Variants in MEGF8 observed in about 807,000 individuals in gnomAD.
The protein encoded by MEGF8 is multiple epidermal growth factor-like domains protein 8.
A neutral mutation model predicts 302.9 loss-of-function variants in MEGF8; 156 were observed. The observed-to-expected ratio is 0.52, with a 90% CI of 0.45 to 0.59. The LOEUF is 0.59. MEGF8 is among the 20% of genes least tolerant of loss of function. MEGF8 has a pLI of 0.00. For synonymous variants in MEGF8, 1,621 were observed against 1,660.5 expected, an observed-to-expected ratio of 0.98 and a Z score of 0.58; for missense variants, 3,345 against 3,964.5, an observed-to-expected ratio of 0.84 and a Z score of 4.20.
intron 15 of MEGF8, chr19:42,350,982 C>A: frequency 1.8e-6 from 1 of 567,930 alleles, no homozygotes; most frequent in East Asian, 3.0e-5. Flanking sequence ...TGAATAAGCC[C>A]CACCCGGACC....
At chr19:42,355,025 C>T (rs2039430973) in intron 23 of MEGF8, among the ~76,000 whole-genome samples, 1 of 152,208 alleles carries the variant, frequency 6.6e-6, no homozygotes, top group Non-Finnish European at 1.5e-5. Flanking sequence ...AGCGCAATCT[C>T]AGCTCACTGC....
In MEGF8 at chr19:42,362,397, G is replaced by T. The variant is rs771233244; in HGVS notation, c.5858G>T (p.Arg1953Leu). The T allele has an allele frequency of 1.2e-6, 2 of 1,613,874 alleles. No homozygotes were observed. The highest frequency in any genetic ancestry group is 1.6e-4 in the Middle Eastern group (1 of 6,062). The stretch of plus-strand genomic sequence containing the variant: ...TTCCCTCACCAGGCGTCCACCCCCC[G>T]CTGTAAGTGGTGTACCAACTGCCCC... ...QPGDGEASTPRCKWCTNCPEG... is the reference protein window; with the variant it reads ...QPGDGEASTPLCKWCTNCPEG... The change falls in exon 34 of 42, where the codon CGC becomes CTC. Residue 1953 changes from arginine (R) to leucine (L), a missense_variant. Coordinates refer to ENST00000251268, the MANE Select transcript of MEGF8 (RefSeq NM_001271938.2).
At chr19:42,359,787 C>A (rs1323680220) in intron 31 of MEGF8, among the ~76,000 whole-genome samples, 1 of 151,846 alleles carries the variant, frequency 6.6e-6, no homozygotes, top group African/African-American at 2.4e-5. Flanking sequence ...AAGGCTCAAG[C>A]AAGCAATCCT....
Position 42,351,333 on chromosome 19 carries a change from C to T in MEGF8, c.2854C>T (p.Gln952Ter), listed in dbSNP as rs1464129245. 1 of 1,568,008 alleles carries T rather than the reference C, an allele frequency of 6.4e-7. No homozygotes were observed. Among genetic ancestry groups the T allele is most frequent in the Non-Finnish European group, 8.7e-7 (1 of 1,155,984 alleles). ...AGAGGAGTGTCCCCCGCTCTGCAGC[C>T]AGTGAGTCAGGCTGGGTGCAGGGAG... ...SPEECPPLCS[Q>*]RLTCEDCLAN... The change falls in exon 16 of 42, where the codon CAG (glutamine) becomes TAG (stop). Residue 952 changes from glutamine to a stop codon, truncating the protein, a stop_gained and splice_region_variant. Transcript: ENST00000251268. LOFTEE classifies it high-confidence loss of function. This position sits in a 1 kb window ranked among gnomAD's most constrained non-coding sequence, Gnocchi z 5.6.
chr19:42,336,956 A>T lies in MEGF8; in HGVS notation c.1390+4A>T. On this transcript the variant is annotated splice_donor_region_variant and intron_variant, in intron 7 of 41. Coordinates refer to ENST00000251268, the MANE Select transcript of MEGF8 (RefSeq NM_001271938.2). The surrounding 1 kb of genome is among the most constrained non-coding windows in gnomAD (Gnocchi z 4.8). ...GGCAATTACATGGTGGTCTATGGTG[A>T]GGAGGCTCCCCAATCCTGCCTGCCT... 6.2e-7 allele frequency: 1 copy of T among 1,613,824 alleles called. No individual in the cohort carries two copies. The highest frequency in any genetic ancestry group is 8.5e-7 in the Non-Finnish European group (1 of 1,179,824).
At chr19:42,340,332 CAATTCTCA>C (rs1314368808) in intron 8 of MEGF8, among the ~76,000 whole-genome samples, 1 of 152,146 alleles carries the variant, frequency 6.6e-6, no homozygotes, top group Admixed American at 6.5e-5. Context: ...GAGGTTCAAG[CAATTCTCA>C]TGCTTCAGCC....
In MEGF8 at chr19:42,336,573, C is replaced by T. The variant is rs1449991122; in HGVS notation, c.1244+227C>T. On this transcript the variant is annotated intron_variant, in intron 6 of 41. Transcript: ENST00000251268. The surrounding 1 kb of genome is among the most constrained non-coding windows in gnomAD (Gnocchi z 4.8). ...CTTGGTGAATTGCCTTCCACACACT[C>T]CCACCCATGTATCTATTCAACAGAG... is the stretch of plus-strand genomic sequence containing the variant. 6.6e-6 allele frequency among the ~76,000 whole-genome samples: 1 copy of T among 152,252 alleles called. No homozygotes were observed. The highest frequency in any genetic ancestry group is 2.1e-4 in the South Asian group (1 of 4,836).
chr19:42,337,826 G>C (rs1406159628), intron 8 of MEGF8, among the ~76,000 whole-genome samples: 4 of 148,774 alleles, frequency 2.7e-5, no homozygotes, highest in Non-Finnish European at 6.0e-5. Context: ...TTTTTTGAGA[G>C]GGAGTCTCGC....
chr19:42,352,134 C>G lies in MEGF8; in HGVS notation c.3102-74C>G. 6.9e-7 allele frequency: 1 copy of G among 1,443,154 alleles called. No homozygotes were observed. Among genetic ancestry groups the G allele is most frequent in the Non-Finnish European group, 9.2e-7 (1 of 1,090,806 alleles). The allele number at this position is 1,443,154 out of a possible 1,614,324, so 89.4% of individuals were successfully genotyped here. ...CCTCTCCTTCCAATTGGCCTCCTCT[C>G]TCCCTGTCATTGTTTCTATGTATGG... On this transcript the variant is annotated intron_variant, in intron 18 of 41. Transcript: ENST00000251268. This position sits in a 1 kb window ranked among gnomAD's most constrained non-coding sequence, Gnocchi z 4.4.
chr19:42,334,323 C>A, intron 3 of MEGF8, 110 bp downstream of exon 3: 4 of 1,034,010 alleles, frequency 3.9e-6, no homozygotes, highest in Non-Finnish European at 5.5e-6. Flanking sequence ...CCCCCACCAC[C>A]CCACCCTCCT....
chr19:42,350,223 G>T lies in MEGF8; in HGVS notation c.2575G>T (p.Ala859Ser). 3.7e-6 allele frequency: 6 copies of T among 1,613,320 alleles called. No homozygotes were observed. The highest frequency in any genetic ancestry group is 1.1e-5 in the South Asian group (1 of 91,090). ...CTATTCTTCCTGCCTGGGCTGCTTG[G>T]CAGACCAGGGCTGTGGCTGGTGCCT... ...TSYSSCLGCL[A>S]DQGCGWCLTS... Residue 859 changes from alanine to serine, a missense_variant, in exon 15 of 42, where the codon GCA becomes TCA. Coordinates refer to ENST00000251268, the MANE Select transcript of MEGF8 (RefSeq NM_001271938.2).
chr19:42,351,377 T>C lies in MEGF8; in HGVS notation c.2855+43T>C, dbSNP rs2039370052. The C allele has an allele frequency of 1.9e-6, 3 of 1,571,334 alleles. No individual in the cohort carries two copies. Among genetic ancestry groups the C allele is most frequent in the Non-Finnish European group, 8.6e-7 (1 of 1,158,350 alleles). ...CAGGGAGTGGGTGGGTGGATGTGCC[T>C]GGGGATGTGTGCTGGCTGTGGAGTG... is the stretch of plus-strand genomic sequence containing the variant. On this transcript the variant is annotated intron_variant, in intron 16 of 41. Transcript: ENST00000251268. This position sits in a 1 kb window ranked among gnomAD's most constrained non-coding sequence, Gnocchi z 5.6.
Position 42,335,176 on chromosome 19 carries a change from G to T in MEGF8, c.700G>T (p.Ala234Ser), listed in dbSNP as rs201282412. ...CTCTGCCCGTATTGGGGCAGCTGGC[G>T]CCTTCCTGTCCCCACCAGGGCTGCT... ...AFSARIGAAG[A>S]FLSPPGLLAV... Residue 234 changes from alanine (A) to serine (S), a missense_variant, in exon 4 of 42, where the codon GCC (alanine) becomes TCC (serine). Coordinates refer to ENST00000251268, the MANE Select transcript of MEGF8 (RefSeq NM_001271938.2). 69 of 1,613,838 alleles carry T rather than the reference G, an allele frequency of 4.3e-5. No homozygotes were observed. Among genetic ancestry groups the T allele is most frequent in the Non-Finnish European group, 2.8e-5 (33 of 1,179,876 alleles).
At chr19:42,342,255 A>G (rs1262008026) in intron 8 of MEGF8, among the ~76,000 whole-genome samples, 3 of 152,240 alleles carry the variant, frequency 2.0e-5, no homozygotes, top group African/African-American at 7.2e-5. Context: ...GTAAGAGGGT[A>G]GGGAAGTCAC....
At chr19:42,348,654 C>T (rs2039324902) in intron 13 of MEGF8, among the ~76,000 whole-genome samples, 182 bp downstream of exon 13, 1 of 152,200 alleles carries the variant, frequency 6.6e-6, no homozygotes, top group Admixed American at 6.5e-5. Flanking sequence ...GGCTGGAGTG[C>T]AGTGGCGCGA....
Position 42,358,307 on chromosome 19 carries a change from G to A in MEGF8, c.5175G>A (p.Lys1725=). ...TGCTGGCCCCTTCTCAGGGGGCAAA[G>A]GTCAGGAAAAGAGGCTCAGACCCAA... ...WSLLAPSQGA[K]RDRMRNVRGS... Residue 1725 remains lysine, a splice_region_variant and synonymous_variant, in exon 29 of 42, where the codon AAG becomes AAA. Coordinates refer to ENST00000251268, the MANE Select transcript of MEGF8 (RefSeq NM_001271938.2). This position sits in a 1 kb window ranked among gnomAD's most constrained non-coding sequence, Gnocchi z 4.4. 1 of 1,600,016 alleles carries A rather than the reference G, an allele frequency of 6.2e-7. No homozygotes were observed. Among genetic ancestry groups the A allele is most frequent in the Non-Finnish European group, 8.5e-7 (1 of 1,173,620 alleles).
In MEGF8 at chr19:42,351,817, CG is replaced by C. The variant is rs1296011863; in HGVS notation, c.3101+58del. On this transcript the variant is annotated intron_variant, in intron 18 of 41. Coordinates refer to ENST00000251268, the MANE Select transcript of MEGF8 (RefSeq NM_001271938.2). The surrounding 1 kb of genome is among the most constrained non-coding windows in gnomAD (Gnocchi z 5.6). ...CCCGGCTGTGTCCTTCCTCCATGAC[CG>C]GTCATTCTAATGGCCTCTTTGCTTC... The C allele has an allele frequency of 5.6e-6, 8 of 1,425,946 alleles. No individual in the cohort carries two copies. In the African/African-American group the frequency reaches 1.1e-4, roughly 20 times the overall value. The allele number at this position is 1,425,946 out of a possible 1,614,324, so 88.3% of individuals were successfully genotyped here.
At chr19:42,335,857 G>C (rs2039120143) in intron 5 of MEGF8, 74 bp from the exon 6 acceptor site, 4 of 1,343,994 alleles carry the variant, frequency 3.0e-6, no homozygotes, top group Non-Finnish European at 3.9e-6. Flanking sequence ...CTCTGGCTCT[G>C]CATCTCTCTG....
In MEGF8 at chr19:42,325,847, T is replaced by C; in HGVS notation, c.-397T>C. 1 of 174,330 alleles carries C rather than the reference T, an allele frequency of 5.7e-6. No individual in the cohort carries two copies. The highest frequency in any genetic ancestry group is 1.2e-5 in the Non-Finnish European group (1 of 83,136). 10.8% of individuals were successfully genotyped at this position (174,330 alleles called of 1,614,324 possible). On this transcript the variant is annotated 5_prime_UTR_variant, in exon 1 of 42. The change abolishes the stop of an existing upstream ORF in the 5' untranslated region. Coordinates refer to ENST00000251268, the MANE Select transcript of MEGF8 (RefSeq NM_001271938.2). ...CTCTATGGAGGCTCCTGCCGGGCCG[T>C]AGAGCCCTTCGCCCCCTGGGGACCC...
Sources: allele counts gnomAD v4.1 joint callset (sites outside exome capture counted in the v4.1 genomes callset), GRCh38; gene constraint gnomAD v4.1.1; non-coding constraint Gnocchi (gnomAD v3.1); transcripts MANE v1.5; gene names NCBI Gene and HGNC (gene_info 2026-07-23, HGNC 2026-07-21).